LRRN3: variants seen among roughly 807,000 people sequenced by gnomAD.
LRRN3 encodes leucine rich repeat neuronal 3, also known as leucine-rich repeat neuronal protein 3.
Under a neutral mutation model 40.1 loss-of-function variants are expected in LRRN3, and 15 were observed. The ratio of observed to expected loss-of-function variants is 0.37; its 90% CI spans 0.25 to 0.58. The LOEUF is 0.58. Ranked by LOEUF, LRRN3 falls within the 20% of genes least tolerant of loss-of-function variation. The probability of loss-of-function intolerance (pLI) is 0.72; values close to 1 mark genes in which losing one functional copy is unlikely to be tolerated. For missense variants in LRRN3, 746 were observed against 837.7 expected, an observed-to-expected ratio of 0.89 and a Z score of 1.35; for synonymous variants, 308 against 297.2, an observed-to-expected ratio of 1.04 and a Z score of -0.37.
rs745787215 is a variant in LRRN3, at chr7:111,124,166, T to C, written c.1394T>C (p.Leu465Ser). 20 of 1,613,800 alleles carry C rather than the reference T, an allele frequency of 1.2e-5. No homozygotes were observed. In the Admixed American group the frequency reaches 1.7e-4, roughly 13 times the overall value. Residue 465 changes from leucine to serine, a missense_variant, in exon 3 of 3, where the codon TTG (leucine) becomes TCG (serine). By Grantham distance (145) the Leu-to-Ser change is moderately radical (BLOSUM62 -2). Transcript: ENST00000308478. ...ATAACACCTTCTGGTCAAAAACTCT[T>C]GCCTAATACCCTGACAGACAAGTTC... ...YWITPSGQKLLPNTLTDKFYV... is the reference protein window; with the variant it reads ...YWITPSGQKLSPNTLTDKFYV...
intron 2 of LRRN3, among the ~76,000 whole-genome samples, chr7:111,115,120 A>G (rs567296849): frequency 6.6e-6 from 1 of 152,284 alleles, no homozygotes; most frequent in African/African-American, 2.4e-5. Context: ...GGACCATATA[A>G]ATGCTAAATA....
rs900139751 is a variant in LRRN3, at chr7:111,123,141, A to G, written c.369A>G (p.Leu123=). ...TGCCTCAGCTCCTTTCTGTGTACCT[A>G]GAGGAAAACAAACTTACTGAACTGC... The part of the protein sequence containing the change: ...KKMPQLLSVY[L]EENKLTELPE... Residue 123 remains leucine (L), a synonymous_variant, in exon 3 of 3, where the codon CTA becomes CTG. Transcript: ENST00000308478. This position sits in a 1 kb window ranked among gnomAD's most constrained non-coding sequence, Gnocchi z 6.4. The G allele has an allele frequency of 6.8e-6, 11 of 1,613,846 alleles. No individual in the cohort carries two copies. In the African/African-American group the frequency reaches 1.3e-4, roughly 20 times the overall value.
chr7:111,109,147 T>G (rs1468874390), intron 2 of LRRN3, among the ~76,000 whole-genome samples: 1 of 152,154 alleles, frequency 6.6e-6, no homozygotes, highest in Non-Finnish European at 1.5e-5. Context: ...TCAAGAAGAA[T>G]TAAAGACCAA....
rs1324417496 is a variant in LRRN3 at position 111,123,156 on chromosome 7, T to C, written c.384T>C (p.Leu128=). Reference sequence around the variant, plus strand: ...CTGTGTACCTAGAGGAAAACAAACTTACTGAACTGCCTGAAAAATGTCTGT... The same window carrying C: ...CTGTGTACCTAGAGGAAAACAAACTCACTGAACTGCCTGAAAAATGTCTGT... ...LLSVYLEENK[L]TELPEKCLSE... The change falls in exon 3 of 3, where the codon CTT becomes CTC. Residue 128 remains leucine, a synonymous_variant. Transcript: ENST00000308478. This position sits in a 1 kb window ranked among gnomAD's most constrained non-coding sequence, Gnocchi z 6.4. 1.9e-6 allele frequency: 3 copies of C among 1,613,944 alleles called. No individual in the cohort carries two copies. The highest frequency in any genetic ancestry group is 1.7e-6 in the Non-Finnish European group (2 of 1,179,964).
chr7:111,106,243 C>CA (rs1170187762), intron 2 of LRRN3, among the ~76,000 whole-genome samples: 1 of 151,912 alleles, frequency 6.6e-6, no homozygotes, highest in Non-Finnish European at 1.5e-5. Flanking sequence ...GTACCTGGAA[C>CA]ACTCAAAGCC....
At chr7:111,111,955 T>TG (rs1799278048) in intron 2 of LRRN3, among the ~76,000 whole-genome samples, 1 of 135,408 alleles carries the variant, frequency 7.4e-6, no homozygotes, top group Non-Finnish European at 1.6e-5. Flanking sequence ...TTTTTTTTTT[T>TG]TTTTTTTTTT....
At chr7:111,103,488 G>T (rs988257171) in intron 2 of LRRN3, among the ~76,000 whole-genome samples, 5 of 151,500 alleles carry the variant, frequency 3.3e-5, no homozygotes, top group African/African-American at 1.2e-4. Flanking sequence ...TACATTTTTA[G>T]AATTATTTTC....
chr7:111,105,363 T>A (rs995308424), intron 2 of LRRN3, among the ~76,000 whole-genome samples: 7 of 151,926 alleles, frequency 4.6e-5, no homozygotes, highest in African/African-American at 1.7e-4. Flanking sequence ...ATCCAAAGAA[T>A]GGAATACTAA....
In LRRN3 at chr7:111,091,513, A is replaced by G. The variant is rs1453573491; in HGVS notation, c.-441+9A>G. 1 of 152,232 alleles carries G rather than the reference A, an allele frequency of 6.6e-6. No individual in the cohort carries two copies. Among genetic ancestry groups the G allele is most frequent in the Non-Finnish European group, 1.5e-5 (1 of 68,042 alleles). 9.4% of individuals were successfully genotyped at this position (152,232 alleles called of 1,614,324 possible). ...TGAAACTGCTTTTCAAGGTAAGTTT[A>G]AAATACACATATATTTTAAAATACG... On this transcript the variant is annotated intron_variant, in intron 1 of 2. Coordinates refer to ENST00000308478, the MANE Select transcript of LRRN3 (RefSeq NM_001099658.2).
Position 111,125,105 on chromosome 7 carries a change from G to T in LRRN3, c.*206G>T. 2.2e-6 allele frequency: 1 copy of T among 460,986 alleles called. No homozygotes were observed. The highest frequency in any genetic ancestry group is 3.9e-6 in the Non-Finnish European group (1 of 255,460). 28.6% of individuals were successfully genotyped at this position (460,986 alleles called of 1,614,324 possible). A position where few individuals can be genotyped will look rare whatever the true frequency, so the allele number is the denominator to read the frequency against. On this transcript the variant is annotated 3_prime_UTR_variant, in exon 3 of 3. Transcript: ENST00000308478. ...AGCATTTTAAGTAACTGGCTTCAAG[G>T]GGTACTGTGGCAACCAAATAAAATA...
chr7:111,120,302 G>C (rs1441720876), intron 2 of LRRN3, among the ~76,000 whole-genome samples: 2 of 152,106 alleles, frequency 1.3e-5, no homozygotes, highest in East Asian at 3.9e-4. Context: ...CACATGGCTG[G>C]AAAGGCCTCA....
chr7:111,096,262 T>G (rs1233853143), intron 1 of LRRN3, among the ~76,000 whole-genome samples: 1 of 151,800 alleles, frequency 6.6e-6, no homozygotes, highest in Non-Finnish European at 1.5e-5. Flanking sequence ...CTTGCTAGCA[T>G]GTTGAGGTGC....
At chr7:111,098,785 AGG>A in intron 1 of LRRN3, among the ~76,000 whole-genome samples, 1 of 151,780 alleles carries the variant, frequency 6.6e-6, no homozygotes, top group Non-Finnish European at 1.5e-5. Context: ...GAACACGAAA[AGG>A]AACCTAGGTT....
At chr7:111,115,519 C>G (rs576428225) in intron 2 of LRRN3, among the ~76,000 whole-genome samples, 3 of 152,094 alleles carry the variant, frequency 2.0e-5, no homozygotes, top group African/African-American at 4.8e-5. Flanking sequence ...TTCATCCCCC[C>G]CTCTGTAAAA....
At position 111,123,399 on chromosome 7, in the gene LRRN3, G is replaced by C; in HGVS notation, c.627G>C (p.Lys209Asn). The C allele has an allele frequency of 1.9e-6, 3 of 1,613,644 alleles. No individual in the cohort carries two copies. The highest frequency in any genetic ancestry group is 2.5e-6 in the Non-Finnish European group (3 of 1,179,870). The change falls in exon 3 of 3, where the codon AAG becomes AAC. Residue 209 changes from lysine (K) to asparagine (N), a missense_variant. Coordinates refer to ENST00000308478, the MANE Select transcript of LRRN3 (RefSeq NM_001099658.2). This position sits in a 1 kb window ranked among gnomAD's most constrained non-coding sequence, Gnocchi z 6.4. Reference protein sequence around the residue: ...PIIRIKDMNFKPLINLRSLVI... With the variant: ...PIIRIKDMNFNPLINLRSLVI... ...TCAGAATCAAAGACATGAACTTTAAGCCTCTTATCAATCTTCGCAGCCTGG... is the reference window on the plus strand; with the variant it reads ...TCAGAATCAAAGACATGAACTTTAACCCTCTTATCAATCTTCGCAGCCTGG...
chr7:111,103,612 T>C (rs1263497804), intron 2 of LRRN3, among the ~76,000 whole-genome samples: 1 of 151,682 alleles, frequency 6.6e-6, no homozygotes, highest in African/African-American at 2.4e-5. Flanking sequence ...TTTCTCCTGT[T>C]CCAATATTTT....
chr7:111,118,683 CTTA>C (rs1800193108), intron 2 of LRRN3, among the ~76,000 whole-genome samples: 1 of 152,088 alleles, frequency 6.6e-6, no homozygotes. Flanking sequence ...TTATTACTTA[CTTA>C]TTATCCTGCA....
In LRRN3 at chr7:111,123,806, C is replaced by T; in HGVS notation, c.1034C>T (p.Ala345Val). ...KLESLMLNSNALSALYHGTIE... is the reference protein window; with the variant it reads ...KLESLMLNSNVLSALYHGTIE... Reference sequence around the variant, plus strand: ...GAATCACTCATGCTGAACAGCAATGCTCTCAGTGCCCTGTACCATGGTACC... The same window carrying T: ...GAATCACTCATGCTGAACAGCAATGTTCTCAGTGCCCTGTACCATGGTACC... Residue 345 changes from alanine to valine, a missense_variant, in exon 3 of 3, where the codon GCT becomes GTT. Transcript: ENST00000308478. The surrounding 1 kb of genome is among the most constrained non-coding windows in gnomAD (Gnocchi z 6.4). 1 of 1,613,982 alleles carries T rather than the reference C, an allele frequency of 6.2e-7. No individual in the cohort carries two copies.
At chr7:111,110,017 C>T (rs1210917436) in intron 2 of LRRN3, among the ~76,000 whole-genome samples, 1 of 152,132 alleles carries the variant, frequency 6.6e-6, no homozygotes, top group Non-Finnish European at 1.5e-5. Flanking sequence ...CACCTGTAGT[C>T]CAAGCTACTC....
Sources: gnomAD v4.1 joint callset for allele counts (sites outside exome capture counted in the v4.1 genomes callset) on GRCh38, gnomAD v4.1.1 for gene constraint, Gnocchi (gnomAD v3.1) non-coding constraint, MANE v1.5 for transcripts, NCBI Gene and HGNC (gene_info 2026-07-23, HGNC 2026-07-21) for gene names.